RASA2: variants seen among roughly 807,000 people sequenced by gnomAD.
The protein encoded by RASA2 is ras GTPase-activating protein 2.
A neutral mutation model predicts 118.2 loss-of-function variants in RASA2; 155 were observed. The ratio of observed to expected loss-of-function variants is 1.31; its 90% CI spans 1.15 to 1.50. RASA2 has a LOEUF of 1.50. Among genes scored for constraint, RASA2 ranks in the 40% most tolerant of loss-of-function variants. The probability of loss-of-function intolerance (pLI) is 0.00; values close to 1 mark genes in which losing one functional copy is unlikely to be tolerated. For synonymous variants in RASA2, 353 were observed against 349.1 expected (o/e 1.01, Z -0.12); for missense variants, 1,016 against 1,009.6 (o/e 1.01, Z -0.09).
At chr3:141,570,830 T>A in intron 9 of RASA2, 82 bp from the exon 10 acceptor site, 1 of 1,388,510 alleles carries the variant, frequency 7.2e-7, no homozygotes, top group Non-Finnish European at 9.8e-7. Flanking sequence ...TTGGTTTAGT[T>A]TTTTTATAAC....
intron 1 of RASA2, among the ~76,000 whole-genome samples, chr3:141,494,203 T>G (rs1359909052): frequency 2.6e-5 from 4 of 152,240 alleles, no homozygotes; most frequent in Non-Finnish European, 5.9e-5. Context: ...AGATGTTAAA[T>G]TGATGAATTG....
chr3:141,610,478 AATAT>A (rs201768514), intron 23 of RASA2, among the ~76,000 whole-genome samples: 1 of 99,966 alleles, frequency 1.0e-5, no homozygotes, highest in African/African-American at 5.4e-5. Flanking sequence ...TATATATATA[AATAT>A]ATATATATAT....
chr3:141,499,121 A>G (rs1467474929), intron 1 of RASA2, among the ~76,000 whole-genome samples: 1 of 152,178 alleles, frequency 6.6e-6, no homozygotes, highest in African/African-American at 2.4e-5. Flanking sequence ...ATTAAGCTTC[A>G]GTGAAAAGTG....
intron 1 of RASA2, among the ~76,000 whole-genome samples, chr3:141,504,812 T>TC (rs2081839355): frequency 1.3e-5 from 2 of 152,162 alleles, no homozygotes; most frequent in South Asian, 4.1e-4. Context: ...ATACCCTTAC[T>TC]CCATCTCTTA....
intron 9 of RASA2, among the ~76,000 whole-genome samples, chr3:141,562,654 C>CA (rs369710849): frequency 0.25 from 36,855 of 145,956 alleles, 5,134 homozygotes; most frequent in Non-Finnish European, 0.32. Context: ...CAACAACACA[C>CA]AAAAAAAAAC....
chr3:141,488,318 A>G (rs984254329), intron 1 of RASA2, among the ~76,000 whole-genome samples: 1 of 152,230 alleles, frequency 6.6e-6, no homozygotes, highest in African/African-American at 2.4e-5. Flanking sequence ...CATGTTTCTT[A>G]TAAATAACCC....
chr3:141,573,870 AT>A, intron 13 of RASA2, 73 bp from the exon 14 acceptor site: 1 of 1,286,128 alleles, frequency 7.8e-7, no homozygotes, highest in Non-Finnish European at 1.0e-6. Context: ...ATTTTCTTAC[AT>A]TTTTCTTTCA....
intron 19 of RASA2, among the ~76,000 whole-genome samples, chr3:141,595,249 C>T (rs2083348579): frequency 1.3e-5 from 2 of 152,134 alleles, no homozygotes; most frequent in South Asian, 2.1e-4. Flanking sequence ...ATAGCTTAAA[C>T]CCAGCCATAT....
chr3:141,552,002 T>G (rs1235194953), intron 5 of RASA2, among the ~76,000 whole-genome samples: 1 of 152,156 alleles, frequency 6.6e-6, no homozygotes, highest in Non-Finnish European at 1.5e-5. Flanking sequence ...AAAATAATAT[T>G]TCCAAATATA....
intron 1 of RASA2, among the ~76,000 whole-genome samples, chr3:141,500,425 G>A (rs2081762441): frequency 1.3e-5 from 2 of 152,128 alleles, no homozygotes; most frequent in South Asian, 4.1e-4. Context: ...TTTTAAGTGT[G>A]TGAAAACTGA....
At chr3:141,569,779 C>G (rs989793922) in intron 9 of RASA2, among the ~76,000 whole-genome samples, 20 of 152,050 alleles carry the variant, frequency 1.3e-4, no homozygotes, top group Admixed American at 3.9e-4. Flanking sequence ...TCCCTACCCC[C>G]CTATCTCCCT....
chr3:141,571,816 G>T (rs1404752794), intron 11 of RASA2, among the ~76,000 whole-genome samples: 1 of 151,704 alleles, frequency 6.6e-6, no homozygotes, highest in Non-Finnish European at 1.5e-5. Context: ...TAGTGTAATG[G>T]TTCACGTGTC....
intron 9 of RASA2, among the ~76,000 whole-genome samples, chr3:141,565,074 C>T (rs566144034): frequency 1.3e-5 from 2 of 152,140 alleles, no homozygotes; most frequent in African/African-American, 2.4e-5. Context: ...CAACCTCCAC[C>T]TCCTGGGTTC....
chr3:141,490,011 G>T (rs1469285062), intron 1 of RASA2, among the ~76,000 whole-genome samples: 1 of 150,852 alleles, frequency 6.6e-6, no homozygotes, highest in Non-Finnish European at 1.5e-5. Flanking sequence ...GGGAAGAAGG[G>T]ACATGCAAAT....
At chr3:141,493,520 C>T (rs2081662992) in intron 1 of RASA2, among the ~76,000 whole-genome samples, 1 of 152,126 alleles carries the variant, frequency 6.6e-6, no homozygotes, top group Non-Finnish European at 1.5e-5. Flanking sequence ...TGATGTTGGG[C>T]AGCTAGGATA....
chr3:141,569,180 G>A (rs371202445), intron 9 of RASA2, among the ~76,000 whole-genome samples: 2 of 152,020 alleles, frequency 1.3e-5, no homozygotes, highest in Admixed American at 6.6e-5. Context: ...ATACAGTTAA[G>A]TTTTTTTCCT....
chr3:141,516,150 T>C (rs988717445), intron 2 of RASA2, among the ~76,000 whole-genome samples, 178 bp from the exon 3 acceptor site: 10 of 151,668 alleles, frequency 6.6e-5, no homozygotes, highest in South Asian at 2.1e-4. Flanking sequence ...TGTATACATA[T>C]GTAACAAAGC....
chr3:141,519,557 T>C (rs1031006153), intron 3 of RASA2, among the ~76,000 whole-genome samples: 2 of 152,328 alleles, frequency 1.3e-5, no homozygotes. Context: ...TTAGTTTTTA[T>C]TGTTATCTGC....
At chr3:141,512,937 T>C (rs978181368) in intron 2 of RASA2, among the ~76,000 whole-genome samples, 1 of 151,728 alleles carries the variant, frequency 6.6e-6, no homozygotes, top group Non-Finnish European at 1.5e-5. Flanking sequence ...GTGCTGGGTG[T>C]CTGTAATCTC....
Sources: allele counts gnomAD v4.1 joint callset (sites outside exome capture counted in the v4.1 genomes callset), GRCh38; gene constraint gnomAD v4.1.1; transcripts MANE v1.5; gene names NCBI Gene and HGNC (gene_info 2026-07-23, HGNC 2026-07-21).